Variants in GPR158 observed in about 807,000 individuals in gnomAD.
The protein encoded by GPR158 is metabotropic glycine receptor.
A neutral mutation model predicts 78.2 loss-of-function variants in GPR158; 30 were observed. The ratio of observed to expected loss-of-function variants is 0.38; its 90% confidence interval spans 0.29 to 0.52. The LOEUF is 0.52. Among genes scored for constraint, GPR158 ranks in the 20% least tolerant of loss-of-function variants. The pLI, the probability that GPR158 is intolerant of heterozygous loss-of-function variation, is 0.83. For missense variants in GPR158, 1,463 were observed against 1,523.5 expected, an observed-to-expected ratio of 0.96 and a Z score of 0.66; for synonymous variants, 581 against 591.1, an observed-to-expected ratio of 0.98 and a Z score of 0.25.
In GPR158 at chr10:25,175,830, A is replaced by G. The variant is rs757808519; in HGVS notation, c.410A>G (p.Asn137Ser). 6.8e-6 allele frequency: 11 copies of G among 1,613,296 alleles called. No individual in the cohort carries two copies. Among genetic ancestry groups the G allele is most frequent in the African/African-American group, 1.3e-5 (1 of 75,050 alleles). ...DTLTHATNFL[N>S]VMLQSNKSRE... ...CTGACACACGCCACCAACTTCCTCA[A>G]CGTGATGCTGCAGAGCAATAAGTCG... Residue 137 changes from asparagine to serine, a missense_variant, in exon 1 of 11, where the codon AAC (asparagine) becomes AGC (serine). Asn to Ser is a conservative substitution (Grantham distance 46, BLOSUM62 1). Transcript: ENST00000376351. The surrounding 1 kb of genome is among the most constrained non-coding windows in gnomAD (Gnocchi z 6.4).
intron 2 of GPR158, among the ~76,000 whole-genome samples, chr10:25,272,450 T>C (rs1470658644): frequency 6.6e-6 from 1 of 152,190 alleles, no homozygotes; most frequent in African/African-American, 2.4e-5. Context: ...TCCCTCTCCT[T>C]CTTCACCTTC....
chr10:25,428,339 T>G (rs1172292053), intron 4 of GPR158, among the ~76,000 whole-genome samples: 3 of 152,082 alleles, frequency 2.0e-5, no homozygotes, highest in Admixed American at 1.3e-4. Context: ...CTTTAAAAAT[T>G]CAAGCATTAA....
At chr10:25,343,931 G>C (rs1452088213) in intron 2 of GPR158, among the ~76,000 whole-genome samples, 1 of 151,926 alleles carries the variant, frequency 6.6e-6, no homozygotes, top group Middle Eastern at 3.2e-3. Context: ...TTTTATTTAA[G>C]ATCATTAGGC....
At chr10:25,506,552 C>A (rs571825508) in intron 5 of GPR158, among the ~76,000 whole-genome samples, 5 of 152,178 alleles carry the variant, frequency 3.3e-5, no homozygotes, top group Non-Finnish European at 5.9e-5. Flanking sequence ...TTATCACAGG[C>A]GTTCTTCATA....
chr10:25,596,552 C>T, intron 9 of GPR158, 91 bp from the exon 10 acceptor site: 1 of 820,724 alleles, frequency 1.2e-6, no homozygotes, highest in East Asian at 2.7e-5. Flanking sequence ...GATATAGATA[C>T]CTATATAGAT....
At chr10:25,574,246 T>C (rs576179849) in intron 7 of GPR158, among the ~76,000 whole-genome samples, 2 of 150,388 alleles carry the variant, frequency 1.3e-5, no homozygotes, top group East Asian at 3.9e-4. Context: ...TGCATTGGAA[T>C]TGAGATGCAT....
At chr10:25,181,729 T>C (rs1334628098) in intron 1 of GPR158, among the ~76,000 whole-genome samples, 2 of 152,218 alleles carry the variant, frequency 1.3e-5, no homozygotes, top group East Asian at 3.9e-4. Context: ...TATTTATTTC[T>C]TTTTTTGAGA....
At chr10:25,373,875 A>G (rs78870428) in intron 2 of GPR158, among the ~76,000 whole-genome samples, 9,307 of 151,836 alleles carry the variant, frequency 0.061, 422 homozygotes, top group Non-Finnish European at 0.089. Context: ...AATCCAATTT[A>G]TACACTTGAA....
At chr10:25,269,173 G>A (rs1344519957) in intron 2 of GPR158, among the ~76,000 whole-genome samples, 1 of 152,112 alleles carries the variant, frequency 6.6e-6, no homozygotes, top group African/African-American at 2.4e-5. Context: ...TTAATTAATT[G>A]ACTAATTTTA....
chr10:25,327,680 C>T (rs1855056224), intron 2 of GPR158, among the ~76,000 whole-genome samples: 1 of 152,164 alleles, frequency 6.6e-6, no homozygotes, highest in Non-Finnish European at 1.5e-5. Flanking sequence ...ATAACTGCTA[C>T]TATTGATAGG....
chr10:25,347,971 A>G (rs924312137), intron 2 of GPR158, among the ~76,000 whole-genome samples: 1 of 151,832 alleles, frequency 6.6e-6, no homozygotes, highest in East Asian at 2.0e-4. Flanking sequence ...TGTGACCCCT[A>G]ATAGCCTAAA....
intron 3 of GPR158, among the ~76,000 whole-genome samples, chr10:25,408,158 G>A (rs984690390): frequency 6.6e-6 from 1 of 152,184 alleles, no homozygotes; most frequent in Non-Finnish European, 1.5e-5. Flanking sequence ...GTGAAAAAAG[G>A]TCAGCCTATT....
At chr10:25,233,277 T>C (rs1367196839) in intron 2 of GPR158, among the ~76,000 whole-genome samples, 1 of 152,230 alleles carries the variant, frequency 6.6e-6, no homozygotes, top group African/African-American at 2.4e-5. Context: ...TAATTATCTG[T>C]AATGAAGTGA....
At chr10:25,537,234 T>C (rs1836513021) in intron 5 of GPR158, among the ~76,000 whole-genome samples, 1 of 152,244 alleles carries the variant, frequency 6.6e-6, no homozygotes, top group Admixed American at 6.5e-5. Context: ...TCTATTGAAC[T>C]ATCCATTTTT....
intron 6 of GPR158, among the ~76,000 whole-genome samples, chr10:25,558,250 C>T (rs578039688): frequency 6.6e-6 from 1 of 152,322 alleles, no homozygotes; most frequent in Admixed American, 6.5e-5. Flanking sequence ...TTCCAACCAA[C>T]TTTAAACTTA....
intron 2 of GPR158, among the ~76,000 whole-genome samples, chr10:25,291,627 A>C (rs924729198): frequency 2.0e-5 from 3 of 152,112 alleles, no homozygotes; most frequent in African/African-American, 7.2e-5. Context: ...ATTATATTTC[A>C]ATATACAACT....
intron 2 of GPR158, among the ~76,000 whole-genome samples, chr10:25,382,065 G>T (rs1158700539): frequency 6.6e-6 from 1 of 152,212 alleles, no homozygotes; most frequent in Admixed American, 6.5e-5. Flanking sequence ...TGTGACTGCG[G>T]GGAGCATGGG....
intron 3 of GPR158, among the ~76,000 whole-genome samples, chr10:25,399,641 C>T (rs1325566655): frequency 6.6e-6 from 1 of 152,250 alleles, no homozygotes; most frequent in East Asian, 1.9e-4. Context: ...TTCCTGATGG[C>T]CTTGTCAAGT....
chr10:25,210,372 A>G (rs578232069), intron 1 of GPR158, among the ~76,000 whole-genome samples: 27 of 152,304 alleles, frequency 1.8e-4, no homozygotes, highest in African/African-American at 6.3e-4. Flanking sequence ...GGATTTCTTC[A>G]AATGAGAAAT....
Sources: gnomAD v4.1 joint callset for allele counts (sites outside exome capture counted in the v4.1 genomes callset) on GRCh38, gnomAD v4.1.1 for gene constraint, Gnocchi (gnomAD v3.1) non-coding constraint, MANE v1.5 for transcripts, NCBI Gene and HGNC (gene_info 2026-07-23, HGNC 2026-07-21) for gene names.